Variants in RSRP1 observed in about 807,000 individuals in gnomAD.
The protein encoded by RSRP1 is arginine and serine rich protein 1, also known as arginine/serine-rich protein 1.
A neutral mutation model predicts 33.0 loss-of-function variants in RSRP1; 37 were observed. The ratio of observed to expected loss-of-function variants is 1.12; its 90% CI spans 0.86 to 1.48. The LOEUF (loss-of-function observed/expected upper bound fraction) is 1.48, where lower values mean the gene tolerates loss of function less well. RSRP1 is among the 40% of genes most tolerant of loss of function. The probability of loss-of-function intolerance (pLI) is 0.00; values close to 1 mark genes in which losing one functional copy is unlikely to be tolerated. For missense variants in RSRP1, 402 were observed against 385.3 expected, an observed-to-expected ratio of 1.04 and a Z score of -0.36; for synonymous variants, 167 against 158.7, an observed-to-expected ratio of 1.05 and a Z score of -0.40.
intron 1 of RSRP1, chr1:25,336,516 G>A (rs1281137042): frequency 6.8e-6 from 1 of 146,984 alleles, no homozygotes; most frequent in African/African-American, 2.7e-5. Context: ...GACAAATTAA[G>A]CATGTATCTT....
chr1:25,306,475 T>C, intron 1 of RSRP1: 2 of 964,512 alleles, frequency 2.1e-6, no homozygotes, highest in Non-Finnish European at 3.3e-6. Context: ...AGGGCTTCTT[T>C]GAGGTGAGCC....
intron 1 of RSRP1, among the ~76,000 whole-genome samples, chr1:25,303,815 T>C (rs1241637805): frequency 1.5e-5 from 2 of 130,702 alleles, no homozygotes; most frequent in East Asian, 2.0e-4. Context: ...TCTTACTCTA[T>C]AGACATGCTT....
chr1:25,244,425 T>G (rs1300318491), intron 3 of RSRP1: 1 of 1,289,398 alleles, frequency 7.8e-7, no homozygotes, highest in South Asian at 1.2e-5. Context: ...AAATTAAACC[T>G]CTGATGCTTT....
chr1:25,300,301 C>A (rs1643284737), intron 1 of RSRP1, among the ~76,000 whole-genome samples: 1 of 129,670 alleles, frequency 7.7e-6, no homozygotes, highest in Non-Finnish European at 1.8e-5. Flanking sequence ...CTCTTGAGCC[C>A]AGGAGTTCAA....
Position 25,246,638 on chromosome 1 carries a change from G to A in RSRP1, c.326C>T (p.Ser109Leu). The A allele has an allele frequency of 6.2e-7, 1 of 1,613,966 alleles. No individual in the cohort carries two copies. The highest frequency in any genetic ancestry group is 1.1e-5 in the South Asian group (1 of 91,076). The change falls in exon 2 of 5, where the codon TCG becomes TTG. Residue 109 changes from serine (S) to leucine (L), a missense_variant. By Grantham distance (145) the Ser-to-Leu change is moderately radical. Transcript: ENST00000243189. ...GFTRRYYRSP[S>L]RYRSRSRSRS... The stretch of plus-strand genomic sequence containing the variant: ...GCTACGGGACCGGGACCGGTACCGC[G>A]AAGGAGACCGGTAGTATCTCCTGGT...
rs1360862265 is a variant in RSRP1, at chr1:25,315,473, TTTTAA to T, written c.-67+22500_-67+22504del. Among the ~76,000 whole-genome samples the T allele has an allele frequency of 1.1e-4, 14 of 126,622 alleles. 1 individual carries two copies. Among genetic ancestry groups the T allele is most frequent in the African/African-American group, 3.0e-4 (11 of 36,364 alleles). The allele number at this position is 126,622 out of a possible 152,430, so 83.1% of individuals were successfully genotyped here. A position where few individuals can be genotyped will look rare whatever the true frequency, so the allele number is the denominator to read the frequency against. On this transcript the variant is annotated intron_variant, in intron 1 of 1. Coordinates refer to the RSRP1 transcript ENST00000561867. Reference sequence around the variant, plus strand: ...AGCAGGGTGGCAACTCTTTTTATCTTTTTAATTTATTTTTCTTTTCTTTCTTTCTT... The same window carrying T: ...AGCAGGGTGGCAACTCTTTTTATCTTTTTATTTTTCTTTTCTTTCTTTCTT...
rs1200510989 is a variant in RSRP1 at position 25,295,744 on chromosome 1, G to T, written c.-67+42234C>A. 9.2e-5 allele frequency among the ~76,000 whole-genome samples: 10 copies of T among 108,870 alleles called. 2 individuals are homozygous for T. Among genetic ancestry groups the T allele is most frequent in the African/African-American group, 2.7e-4 (9 of 33,098 alleles). The allele number at this position is 108,870 out of a possible 152,430, so 71.4% of individuals were successfully genotyped here. A position where few individuals can be genotyped will look rare whatever the true frequency, so the allele number is the denominator to read the frequency against. On this transcript the variant is annotated intron_variant, in intron 1 of 1. Transcript: ENST00000561867. ...TCAGTGACCAAGAGGCGGCCGGGAG[G>T]CTGAGACCACAGCAAGAAAGGGAGA... is the stretch of plus-strand genomic sequence containing the variant.
At chr1:25,257,402 T>C (rs1233751917) in intron 1 of RSRP1, among the ~76,000 whole-genome samples, 1 of 152,080 alleles carries the variant, frequency 6.6e-6, no homozygotes, top group East Asian at 1.9e-4. Flanking sequence ...GTTTACTGAA[T>C]GAACAAATGA....
chr1:25,300,799 G>A lies in RSRP1; in HGVS notation c.-67+37179C>T, dbSNP rs1643324434. On this transcript the variant is annotated intron_variant, in intron 1 of 1. Coordinates refer to the RSRP1 transcript ENST00000561867. ...ACTCCAGCCTGGGCAGAGCCTGCTGGGTTGGGCTGGGTAAGCTCTGAACAC... is the reference window on the plus strand; with the variant it reads ...ACTCCAGCCTGGGCAGAGCCTGCTGAGTTGGGCTGGGTAAGCTCTGAACAC... 7 of 917,088 alleles carry A rather than the reference G, an allele frequency of 7.6e-6. 1 individual carries two copies. The South Asian group carries it at 9.5e-5, about 12-fold the overall frequency. 56.8% of individuals were successfully genotyped at this position (917,088 alleles called of 1,614,324 possible).
At chr1:25,260,713 C>A (rs1014143338) in intron 1 of RSRP1, among the ~76,000 whole-genome samples, 2 of 152,100 alleles carry the variant, frequency 1.3e-5, no homozygotes, top group African/African-American at 4.8e-5. Context: ...CTGGTGAGAC[C>A]TCTCTCCCTG....
chr1:25,271,507 T>C (rs1331844026), intron 1 of RSRP1, among the ~76,000 whole-genome samples: 1 of 132,468 alleles, frequency 7.5e-6, no homozygotes, highest in African/African-American at 2.6e-5. Flanking sequence ...GGGACCATTG[T>C]AGAAAATAAG....
rs148696735 is a variant in RSRP1 at position 25,246,806 on chromosome 1, A to C, written c.158T>G (p.Phe53Cys). The C allele has an allele frequency of 4.9e-5, 79 of 1,613,390 alleles. No homozygotes were observed. Among genetic ancestry groups the C allele is most frequent in the Non-Finnish European group, 6.4e-5 (75 of 1,179,770 alleles). ...CTTGCTCCTCCGACTCCTGGACGAAAACCGGCTCGAGACGCGGGAATGGGA... is the reference window on the plus strand; with the variant it reads ...CTTGCTCCTCCGACTCCTGGACGAACACCGGCTCGAGACGCGGGAATGGGA... ...SRSHSRVSSR[F>C]SSRSRRSKSR... The change falls in exon 2 of 5, where the codon TTT (phenylalanine) becomes TGT (cysteine). Residue 53 changes from phenylalanine (F) to cysteine (C), a missense_variant. By Grantham distance (205) the Phe-to-Cys change is radical. Coordinates refer to ENST00000243189, the MANE Select transcript of RSRP1 (RefSeq NM_020317.5).
intron 1 of RSRP1, among the ~76,000 whole-genome samples, chr1:25,303,798 G>T (rs1449579526): frequency 7.6e-6 from 1 of 130,934 alleles, no homozygotes. Context: ...CTGAATATCT[G>T]CTTTATTCTT....
rs1307703641 is a variant in RSRP1 at position 25,270,214 on chromosome 1, C to T, written c.-66-23185G>A. ...CTTCTGACCTCTGGGGATTGGGGTACCCTCCCCCTTAATTGCTGTTGGGGT... is the reference window on the plus strand; with the variant it reads ...CTTCTGACCTCTGGGGATTGGGGTATCCTCCCCCTTAATTGCTGTTGGGGT... On this transcript the variant is annotated intron_variant, in intron 1 of 1. Coordinates refer to the RSRP1 transcript ENST00000561867. Among the ~76,000 whole-genome samples the T allele has an allele frequency of 1.1e-4, 14 of 131,302 alleles. 3 individuals carry two copies. The highest frequency in any genetic ancestry group is 8.1e-4 in the Admixed American group (11 of 13,520). The allele number at this position is 131,302 out of a possible 152,430, so 86.1% of individuals were successfully genotyped here.
chr1:25,321,674 TAAATAAAATA>T lies in RSRP1; in HGVS notation c.-67+16294_-67+16303del, dbSNP rs56928540. Among the ~76,000 whole-genome samples the T allele has an allele frequency of 1.5e-4, 14 of 91,300 alleles. 1 individual carries two copies. Among genetic ancestry groups the T allele is most frequent in the African/African-American group, 3.9e-4 (12 of 30,758 alleles). 59.9% of individuals were successfully genotyped at this position (91,300 alleles called of 152,430 possible). ...GATAGAGTGAGACTCTGTCTCAAAA[TAAATAAAATA>T]AAATAAAATAAAATAAAATAAAATA... On this transcript the variant is annotated intron_variant, in intron 1 of 1. Transcript: ENST00000561867.
intron 1 of RSRP1, among the ~76,000 whole-genome samples, chr1:25,273,411 T>C (rs1413745926): frequency 3.0e-5 from 3 of 101,302 alleles, no homozygotes; most frequent in Non-Finnish European, 4.8e-5. Context: ...CCCAAAGTGC[T>C]GGAATTACAG....
intron 1 of RSRP1, chr1:25,303,473 C>T: frequency 2.2e-6 from 3 of 1,378,896 alleles, no homozygotes; most frequent in Non-Finnish European, 3.1e-6. Flanking sequence ...AGAAACTAGA[C>T]AACTAACCTC....
intron 1 of RSRP1, among the ~76,000 whole-genome samples, chr1:25,259,206 G>A (rs1364676363): frequency 6.6e-6 from 1 of 151,936 alleles, no homozygotes; most frequent in Non-Finnish European, 1.5e-5. Flanking sequence ...CGAATCTCCT[G>A]CCTCAGCCTC....
chr1:25,243,770 C>CAAT (rs1222215445), intron 3 of RSRP1, 137 bp from the exon 4 acceptor site: 1 of 1,426,772 alleles, frequency 7.0e-7, no homozygotes. Context: ...GCCTAAGTAA[C>CAAT]AGAACTATTG....
Sources: gnomAD v4.1 joint callset for allele counts (sites outside exome capture counted in the v4.1 genomes callset) on GRCh38, gnomAD v4.1.1 for gene constraint, MANE v1.5 for transcripts, NCBI Gene and HGNC (gene_info 2026-07-23, HGNC 2026-07-21) for gene names.